GLRA3: variants seen among roughly 807,000 people sequenced by gnomAD.
GLRA3 encodes glycine receptor subunit alpha-3.
In GLRA3, 44 loss-of-function variants were observed where a neutral mutation model predicts 60.4. That is an observed-to-expected ratio of 0.73 (90% CI 0.57 to 0.94). GLRA3 has a LOEUF of 0.94. Ranked by LOEUF, GLRA3 falls within the 40% of genes least tolerant of loss-of-function variation. The pLI is 0.00. For missense variants in GLRA3, 508 were observed against 564.6 expected, an observed-to-expected ratio of 0.90 and a Z score of 1.02; for synonymous variants, 223 against 192.9, an observed-to-expected ratio of 1.16 and a Z score of -1.29.
At chr4:174,804,013 C>T (rs1299519542) in intron 1 of GLRA3, among the ~76,000 whole-genome samples, 1 of 151,980 alleles carries the variant, frequency 6.6e-6, no homozygotes, top group African/African-American at 2.4e-5. Context: ...TTTTTATAGC[C>T]CAACTGCTGA....
chr4:174,691,263 T>C (rs1293673496), intron 5 of GLRA3, among the ~76,000 whole-genome samples: 1 of 152,230 alleles, frequency 6.6e-6, no homozygotes, highest in Non-Finnish European at 1.5e-5. Flanking sequence ...TATCTCATTG[T>C]GGTTTTGACT....
intron 1 of GLRA3, among the ~76,000 whole-genome samples, chr4:174,799,185 T>A (rs1293809323): frequency 6.6e-6 from 1 of 152,202 alleles, no homozygotes; most frequent in Admixed American, 6.5e-5. Context: ...CATAATAATG[T>A]TATTAGTCAT....
intron 1 of GLRA3, among the ~76,000 whole-genome samples, chr4:174,820,743 A>T (rs1294124583): frequency 1.3e-5 from 2 of 152,154 alleles, no homozygotes; most frequent in African/African-American, 4.8e-5. Context: ...CTTCCACCTA[A>T]AGTATTAGAT....
intron 9 of GLRA3, among the ~76,000 whole-genome samples, chr4:174,652,254 G>T (rs979692868): frequency 2.0e-5 from 3 of 151,744 alleles, no homozygotes; most frequent in Non-Finnish European, 4.4e-5. Flanking sequence ...TAATTTTCTG[G>T]AAATAGCTTC....
intron 9 of GLRA3, among the ~76,000 whole-genome samples, chr4:174,649,945 A>G (rs1435986528): frequency 1.3e-5 from 2 of 152,146 alleles, no homozygotes; most frequent in African/African-American, 2.4e-5. Context: ...TCACAACCGG[A>G]TAAGAAACAA....
At position 174,715,590 on chromosome 4, in the gene GLRA3, T is replaced by C; in HGVS notation, c.492-20A>G. Reference sequence around the variant, plus strand: ...GTTAATCTGAAAGTCAAAGTAATTATTTTTAAAGGAAATTTATGACATTAT... The same window carrying C: ...GTTAATCTGAAAGTCAAAGTAATTACTTTTAAAGGAAATTTATGACATTAT... On this transcript the variant is annotated intron_variant, in intron 4 of 9. Transcript: ENST00000274093. The C allele has an allele frequency of 5.2e-6, 6 of 1,148,284 alleles. No individual in the cohort carries two copies. Among genetic ancestry groups the C allele is most frequent in the Non-Finnish European group, 7.8e-6 (6 of 770,572 alleles). The allele number at this position is 1,148,284 out of a possible 1,614,324, so 71.1% of individuals were successfully genotyped here.
In GLRA3 at chr4:174,643,981, T is replaced by C. The variant is rs1732711665; in HGVS notation, c.1200A>G (p.Pro400=). The C allele has an allele frequency of 6.2e-7, 1 of 1,613,932 alleles. No individual in the cohort carries two copies. The highest frequency in any genetic ancestry group is 1.7e-5 in the Admixed American group (1 of 60,012). Residue 400 remains proline, a synonymous_variant, in exon 10 of 10, where the codon CCA becomes CCG. Coordinates refer to ENST00000274093, the MANE Select transcript of GLRA3 (RefSeq NM_006529.4). ...CCTGGACAGGGTGGTTGGGGCCCTTTGGAGTCATGCCATCCTTTGCTTGTA... is the reference window on the plus strand; with the variant it reads ...CCTGGACAGGGTGGTTGGGGCCCTTCGGAGTCATGCCATCCTTTGCTTGTA... ...PCLQAKDGMT[P]KGPNHPVQVM... is the part of the protein sequence containing the mutation.
chr4:174,639,932 A>G lies in GLRA3; in HGVS notation c.*3854T>C, dbSNP rs1732588052. On this transcript the variant is annotated 3_prime_UTR_variant, in exon 10 of 10. Coordinates refer to ENST00000274093, the MANE Select transcript of GLRA3 (RefSeq NM_006529.4). Reference sequence around the variant, plus strand: ...TGTCTCTTATACAGGTACAAGATGCAATGGGTATTATGGGTACTTTATTTG... The same window carrying G: ...TGTCTCTTATACAGGTACAAGATGCGATGGGTATTATGGGTACTTTATTTG... The G allele has an allele frequency of 6.6e-6, 1 of 152,126 alleles. No individual in the cohort carries two copies. Among genetic ancestry groups the G allele is most frequent in the Non-Finnish European group, 1.5e-5 (1 of 67,984 alleles). The allele number at this position is 152,126 out of a possible 1,614,324, so 9.4% of individuals were successfully genotyped here. A position where few individuals can be genotyped will look rare whatever the true frequency, so the allele number is the denominator to read the frequency against.
At chr4:174,664,637 C>G (rs1007226833) in intron 7 of GLRA3, among the ~76,000 whole-genome samples, 7 of 152,144 alleles carry the variant, frequency 4.6e-5, no homozygotes, top group Admixed American at 2.0e-4. Flanking sequence ...CACAGTGTGT[C>G]CTAGTCCCTC....
chr4:174,727,379 G>A (rs570272283), intron 4 of GLRA3, among the ~76,000 whole-genome samples: 21 of 152,268 alleles, frequency 1.4e-4, no homozygotes, highest in Non-Finnish European at 2.8e-4. Flanking sequence ...GAAGATAAGA[G>A]AGAGATAAAA....
chr4:174,792,477 T>C (rs907835746), intron 1 of GLRA3, among the ~76,000 whole-genome samples: 1 of 152,174 alleles, frequency 6.6e-6, no homozygotes, highest in African/African-American at 2.4e-5. Context: ...AATAAAGTCA[T>C]GTCTGGAGGT....
At position 174,796,197 on chromosome 4, in the gene GLRA3, T is replaced by C. The variant is rs145269373; in HGVS notation, c.72-7254A>G. On this transcript the variant is annotated intron_variant, in intron 1 of 9. Transcript: ENST00000274093. ...GAGATTTTCCTTGCCCCTTCCACCA[T>C]GTGAGGTTACAGTGAAAAGAGAGTG... is the stretch of plus-strand genomic sequence containing the variant. 1.1e-3 allele frequency among the ~76,000 whole-genome samples: 170 copies of C among 152,196 alleles called. 3 individuals are homozygous for C. The East Asian group carries it at 0.029, about 26-fold the overall frequency.
At chr4:174,664,626 C>T (rs941446300) in intron 7 of GLRA3, among the ~76,000 whole-genome samples, 1 of 152,152 alleles carries the variant, frequency 6.6e-6, no homozygotes, top group African/African-American at 2.4e-5. Context: ...CTGATTGAAG[C>T]CACAGTGTGT....
At chr4:174,811,891 A>G (rs1740289698) in intron 1 of GLRA3, among the ~76,000 whole-genome samples, 1 of 152,152 alleles carries the variant, frequency 6.6e-6, no homozygotes, top group Non-Finnish European at 1.5e-5. Context: ...TCTAGTCATA[A>G]TTTCAAAATG....
intron 5 of GLRA3, among the ~76,000 whole-genome samples, chr4:174,686,751 G>A (rs966995924): frequency 1.3e-5 from 2 of 152,130 alleles, no homozygotes; most frequent in African/African-American, 4.8e-5. Context: ...AGAAGGTGAG[G>A]CACTTCAGGC....
chr4:174,638,723 C>CTG lies in GLRA3; in HGVS notation c.*5062_*5063insCA, dbSNP rs1561025702. 18 of 152,168 alleles carry CTG rather than the reference C, an allele frequency of 1.2e-4. No homozygotes were observed. The highest frequency in any genetic ancestry group is 3.9e-4 in the African/African-American group (16 of 41,436). 9.4% of individuals were successfully genotyped at this position (152,168 alleles called of 1,614,324 possible). Reference sequence around the variant, plus strand: ...GAGAATAAGCTTGTGTAAGTTCACACGAATTCTCTCACTTCTGGAATTTTT... The same window carrying CTG: ...GAGAATAAGCTTGTGTAAGTTCACACTGGAATTCTCTCACTTCTGGAATTTTT... On this transcript the variant is annotated 3_prime_UTR_variant, in exon 10 of 10. Coordinates refer to ENST00000274093, the MANE Select transcript of GLRA3 (RefSeq NM_006529.4).
chr4:174,670,544 A>G (rs1733865509), intron 7 of GLRA3, among the ~76,000 whole-genome samples: 1 of 152,150 alleles, frequency 6.6e-6, no homozygotes, highest in South Asian at 2.1e-4. Context: ...TTGCAAACAT[A>G]TCTTTGTTTT....
At chr4:174,723,864 A>G (rs1736219009) in intron 4 of GLRA3, among the ~76,000 whole-genome samples, 1 of 152,020 alleles carries the variant, frequency 6.6e-6, no homozygotes, top group Admixed American at 6.6e-5. Flanking sequence ...CATAAGTGAT[A>G]CATAACTTGT....
chr4:174,669,519 C>A (rs575088319), intron 7 of GLRA3, among the ~76,000 whole-genome samples: 1 of 151,990 alleles, frequency 6.6e-6, no homozygotes, highest in African/African-American at 2.4e-5. Context: ...ATAGTCATAA[C>A]CCTCAGTAAA....
Sources: allele counts gnomAD v4.1 joint callset (sites outside exome capture counted in the v4.1 genomes callset), GRCh38; gene constraint gnomAD v4.1.1; transcripts MANE v1.5; gene names NCBI Gene and HGNC (gene_info 2026-07-23, HGNC 2026-07-21).